Variants in UNC13C observed in about 807,000 individuals in gnomAD.
The protein encoded by UNC13C is protein unc-13 homolog C.
In UNC13C, 174 loss-of-function variants were observed where a neutral mutation model predicts 245.4. The observed-to-expected ratio is 0.71, with a 90% confidence interval of 0.63 to 0.80. The LOEUF (loss-of-function observed/expected upper bound fraction) is 0.80, where lower values mean the gene tolerates loss of function less well. UNC13C is among the 30% of genes least tolerant of loss of function. The pLI, the probability that UNC13C is intolerant of heterozygous loss-of-function variation, is 0.00. For synonymous variants in UNC13C, 992 were observed against 895.1 expected (o/e 1.11, Z -1.93); for missense variants, 2,829 against 2,602.9 (o/e 1.09, Z -1.89).
chr15:54,118,961 G>C (rs910102438), intron 2 of UNC13C, among the ~76,000 whole-genome samples: 3 of 146,500 alleles, frequency 2.0e-5, no homozygotes, highest in African/African-American at 7.6e-5. Context: ...TGAGTATCTT[G>C]AACCATACTA....
intron 19 of UNC13C, among the ~76,000 whole-genome samples, chr15:54,462,939 A>G (rs1891936752): frequency 6.6e-6 from 1 of 152,066 alleles, no homozygotes; most frequent in Non-Finnish European, 1.5e-5. Context: ...GGCTTGGAGA[A>G]CTTTCGTGTC....
Position 54,101,458 on chromosome 15 carries a change from C to T in UNC13C, c.2984-41560C>T, listed in dbSNP as rs113050790. ...TCTAAATACTTTTAAAGGAAAAGAACCTAGTTTTTTACTAAATAAAATTGT... is the reference window on the plus strand; with the variant it reads ...TCTAAATACTTTTAAAGGAAAAGAATCTAGTTTTTTACTAAATAAAATTGT... On this transcript the variant is annotated intron_variant, in intron 2 of 32. Transcript: ENST00000260323. Among the ~76,000 whole-genome samples, 5 of 152,196 alleles carry T rather than the reference C, an allele frequency of 3.3e-5. No homozygotes were observed. The South Asian group carries it at 1.0e-3, about 32-fold the overall frequency.
At chr15:54,057,790 G>A (rs36196267) in intron 2 of UNC13C, among the ~76,000 whole-genome samples, 23,884 of 151,982 alleles carry the variant, frequency 0.16, 1,934 homozygotes, top group Middle Eastern at 0.2. Context: ...TCAAACTAGA[G>A]CTCAGGATTA....
chr15:54,206,331 T>C (rs1363837611), intron 4 of UNC13C, among the ~76,000 whole-genome samples: 1 of 152,082 alleles, frequency 6.6e-6, no homozygotes, highest in Non-Finnish European at 1.5e-5. Flanking sequence ...CAAGTGATAA[T>C]TTATAAAAAT....
At chr15:54,315,156 T>C (rs1210497485) in intron 13 of UNC13C, among the ~76,000 whole-genome samples, 1 of 151,774 alleles carries the variant, frequency 6.6e-6, no homozygotes, top group Non-Finnish European at 1.5e-5. Flanking sequence ...GGTAACTTCA[T>C]GTAGTTCACA....
At chr15:54,589,506 C>G (rs1180640359) in intron 30 of UNC13C, among the ~76,000 whole-genome samples, 3 of 151,694 alleles carry the variant, frequency 2.0e-5, no homozygotes, top group Non-Finnish European at 4.4e-5. Flanking sequence ...ACCATGTTGA[C>G]CAGGCTGGTC....
rs573194095 is a variant in UNC13C, at chr15:54,400,691, C to T, written c.4847+7510C>T. Among the ~76,000 whole-genome samples the T allele has an allele frequency of 2.0e-5, 3 of 152,216 alleles. No individual in the cohort carries two copies. In the South Asian group the frequency reaches 6.2e-4, roughly 32 times the overall value. On this transcript the variant is annotated intron_variant, in intron 18 of 32. Coordinates refer to ENST00000260323, the MANE Select transcript of UNC13C (RefSeq NM_001080534.3). ...TCATCAACCTTTCCTATAATGGTTT[C>T]ATTTATTTATGATCACTTCAGAATT...
Position 54,626,857 on chromosome 15 carries a change from C to A in UNC13C, c.6389C>A (p.Ala2130Asp), listed in dbSNP as rs777691395. ...CTCGGAAAGGAAAATCGACCAGGGG[C>A]TTATGAACTTCATCTCTCAGTTAAG... Reference protein sequence around the residue: ...FILGKENRPGAYELHLSVKDY... With the variant: ...FILGKENRPGDYELHLSVKDY... The change falls in exon 33 of 33, where the codon GCT (alanine) becomes GAT (aspartate). Residue 2130 changes from alanine (A) to aspartate (D), a missense_variant. By Grantham distance (126) the Ala-to-Asp change is moderately radical (BLOSUM62 -2). Coordinates refer to ENST00000260323, the MANE Select transcript of UNC13C (RefSeq NM_001080534.3). 6 of 1,612,814 alleles carry A rather than the reference C, an allele frequency of 3.7e-6. No individual in the cohort carries two copies. The highest frequency in any genetic ancestry group is 3.3e-5 in the Admixed American group (2 of 59,818).
chr15:53,887,516 G>A, the UNC13C span, among the ~76,000 whole-genome samples: 2 of 152,006 alleles, frequency 1.3e-5, no homozygotes, highest in African/African-American at 4.8e-5. Flanking sequence ...AGTTGAAGAC[G>A]TATCAGATAT....
the UNC13C span, among the ~76,000 whole-genome samples, chr15:53,889,241 T>C: frequency 6.6e-6 from 1 of 152,188 alleles, no homozygotes; most frequent in Non-Finnish European, 1.5e-5. Context: ...CAGTAGTTTG[T>C]GGTTCTCCTT....
At position 54,445,880 on chromosome 15, in the gene UNC13C, G is replaced by A. The variant is rs568802441; in HGVS notation, c.4933+30813G>A. 5.4e-3 allele frequency among the ~76,000 whole-genome samples: 818 copies of A among 152,090 alleles called. 7 individuals are homozygous for A. Among genetic ancestry groups the A allele is most frequent in the African/African-American group, 0.018 (740 of 41,486 alleles). On this transcript the variant is annotated intron_variant, in intron 19 of 32. Coordinates refer to ENST00000260323, the MANE Select transcript of UNC13C (RefSeq NM_001080534.3). ...GAAGTCCTTGCCCATGCCTATGTCC[G>A]GAATGGTATTGCCTAGGTTTTCTTC...
intron 4 of UNC13C, among the ~76,000 whole-genome samples, chr15:54,174,713 C>T (rs1212054557): frequency 2.0e-5 from 3 of 152,160 alleles, no homozygotes; most frequent in African/African-American, 4.8e-5. Context: ...ACAGCCCCAT[C>T]CCCACACACT....
At chr15:54,328,469 A>T (rs912414169) in intron 14 of UNC13C, among the ~76,000 whole-genome samples, 1 of 152,098 alleles carries the variant, frequency 6.6e-6, no homozygotes, top group African/African-American at 2.4e-5. Context: ...CTAAGATAGC[A>T]TGAATACATA....
chr15:54,533,816 C>T (rs1435383899), intron 26 of UNC13C, among the ~76,000 whole-genome samples: 1 of 152,112 alleles, frequency 6.6e-6, no homozygotes, highest in African/African-American at 2.4e-5. Flanking sequence ...AATGTGTCCA[C>T]AGTTGGGATT....
chr15:53,903,691 T>A, the UNC13C span, among the ~76,000 whole-genome samples: 1 of 152,096 alleles, frequency 6.6e-6, no homozygotes, highest in Non-Finnish European at 1.5e-5. Flanking sequence ...GAAAGTAGGA[T>A]AAGGAAAGCA....
In UNC13C at chr15:54,147,698, C is replaced by T. The variant is rs914616486; in HGVS notation, c.3071+4014C>T. 7.3e-5 allele frequency among the ~76,000 whole-genome samples: 5 copies of T among 68,138 alleles called. No individual in the cohort carries two copies. In the South Asian group the frequency reaches 4.1e-3, roughly 56 times the overall value. 44.7% of individuals were successfully genotyped at this position (68,138 alleles called of 152,430 possible). The stretch of plus-strand genomic sequence containing the variant: ...CCACTGGTTGAATTATAAGAAGCAT[C>T]ACAAGGGGTGTGTGTGTGTGTGTGT... On this transcript the variant is annotated intron_variant, in intron 4 of 32. Coordinates refer to ENST00000260323, the MANE Select transcript of UNC13C (RefSeq NM_001080534.3).
intron 17 of UNC13C, among the ~76,000 whole-genome samples, chr15:54,357,460 C>T (rs1427504285): frequency 6.6e-6 from 1 of 151,874 alleles, no homozygotes; most frequent in Non-Finnish European, 1.5e-5. Flanking sequence ...ATTTGTTAAG[C>T]TCAGCTTTAG....
At chr15:54,392,877 TG>T (rs1567235040) in intron 17 of UNC13C, among the ~76,000 whole-genome samples, 170 bp from the exon 18 acceptor site, 1 of 152,026 alleles carries the variant, frequency 6.6e-6, no homozygotes, top group Non-Finnish European at 1.5e-5. Flanking sequence ...GTTTATTCTA[TG>T]GGATGTCATT....
At chr15:54,448,122 C>T (rs1385543284) in intron 19 of UNC13C, among the ~76,000 whole-genome samples, 1 of 152,198 alleles carries the variant, frequency 6.6e-6, no homozygotes, top group Non-Finnish European at 1.5e-5. Context: ...AGTTTGATTA[C>T]ACTATGGTCT....
Sources: gnomAD v4.1 joint callset for allele counts (sites outside exome capture counted in the v4.1 genomes callset) on GRCh38, gnomAD v4.1.1 for gene constraint, MANE v1.5 for transcripts, NCBI Gene and HGNC (gene_info 2026-07-23, HGNC 2026-07-21) for gene names.